CRIM1: variants seen among roughly 807,000 people sequenced by gnomAD.
The protein encoded by CRIM1 is cysteine rich transmembrane BMP regulator 1, also known as cysteine-rich motor neuron 1 protein.
CRIM1 carries 32 observed loss-of-function variants against 116.4 expected under a neutral mutation model. That is an observed-to-expected ratio of 0.27 (90% CI 0.21 to 0.37). The LOEUF is 0.37. Ranked by LOEUF, CRIM1 falls within the 10% of genes least tolerant of loss-of-function variation. CRIM1 has a pLI of 1.00. For synonymous variants in CRIM1, 590 were observed against 509.2 expected, an observed-to-expected ratio of 1.16 and a Z score of -2.13; for missense variants, 1,331 against 1,354.8, an observed-to-expected ratio of 0.98 and a Z score of 0.28.
At chr2:36,432,389 TTGAA>T (rs1226392213) in intron 2 of CRIM1, among the ~76,000 whole-genome samples, 4 of 152,220 alleles carry the variant, frequency 2.6e-5, no homozygotes, top group South Asian at 2.1e-4. Flanking sequence ...ATATAATTAT[TTGAA>T]TGGCAATTTT....
intron 1 of CRIM1, among the ~76,000 whole-genome samples, chr2:36,385,046 G>A (rs1306373542): frequency 1.3e-5 from 2 of 150,042 alleles, no homozygotes; most frequent in East Asian, 3.9e-4. Context: ...GGAGTGTGTA[G>A]TAGGAATAAA....
chr2:36,539,345 G>A (rs1666780166), intron 14 of CRIM1, among the ~76,000 whole-genome samples: 1 of 152,204 alleles, frequency 6.6e-6, no homozygotes. Context: ...TGTTCAAGGT[G>A]CATGTTCAGG....
chr2:36,479,791 A>C, intron 7 of CRIM1, 97 bp downstream of exon 7: 1 of 1,228,836 alleles, frequency 8.1e-7, no homozygotes, highest in Non-Finnish European at 1.2e-6. Flanking sequence ...CCTTGGGCAT[A>C]ATGTCTGCTT....
intron 5 of CRIM1, among the ~76,000 whole-genome samples, chr2:36,466,262 G>A (rs1422699258): frequency 6.6e-6 from 1 of 152,004 alleles, no homozygotes; most frequent in African/African-American, 2.4e-5. Flanking sequence ...GGATAGAGAT[G>A]GTAAGGTTGA....
intron 1 of CRIM1, among the ~76,000 whole-genome samples, chr2:36,396,275 C>T (rs1572637664): frequency 6.6e-6 from 1 of 152,108 alleles, no homozygotes; most frequent in East Asian, 1.9e-4. Context: ...TTTTATTGAA[C>T]ATGAAAAAAC....
chr2:36,363,985 C>G (rs1669422553), intron 1 of CRIM1, among the ~76,000 whole-genome samples: 1 of 152,208 alleles, frequency 6.6e-6, no homozygotes, highest in African/African-American at 2.4e-5. Context: ...TGAAAATATT[C>G]ATGAGCATCG....
intron 7 of CRIM1, among the ~76,000 whole-genome samples, chr2:36,483,875 A>T (rs1679613958): frequency 6.6e-6 from 1 of 152,214 alleles, no homozygotes; most frequent in Admixed American, 6.5e-5. Context: ...TCAAAAGCTG[A>T]TGGCCATTGG....
intron 13 of CRIM1, 62 bp downstream of exon 13, chr2:36,522,375 G>A: frequency 1.0e-5 from 13 of 1,263,270 alleles, no homozygotes; most frequent in African/African-American, 1.5e-5. Flanking sequence ...TGTATTGACA[G>A]CCATTTGCTA....
intron 5 of CRIM1, among the ~76,000 whole-genome samples, chr2:36,469,095 G>A (rs928207392): frequency 6.6e-6 from 1 of 152,086 alleles, no homozygotes; most frequent in African/African-American, 2.4e-5. Context: ...TAGTTAGCAG[G>A]GCCAGATATA....
At chr2:36,445,500 A>G (rs147253747) in intron 4 of CRIM1, among the ~76,000 whole-genome samples, 2 of 152,308 alleles carry the variant, frequency 1.3e-5, no homozygotes, top group East Asian at 3.9e-4. Context: ...GCTGTCAGTT[A>G]ATTATCGACT....
At position 36,460,998 on chromosome 2, in the gene CRIM1, C is replaced by T. The variant is rs116433364; in HGVS notation, c.870-3536C>T. 5.6e-4 allele frequency among the ~76,000 whole-genome samples: 85 copies of T among 152,092 alleles called. 1 individual carries two copies. Among genetic ancestry groups the T allele is most frequent in the African/African-American group, 2.0e-3 (81 of 41,470 alleles). On this transcript the variant is annotated intron_variant, in intron 4 of 16. Transcript: ENST00000280527. ...ACTTATTTGGAGAAAAGAGCATGAC[C>T]GTAGCAATGGAAAATGAAGGGAAAT...
chr2:36,405,395 G>C (rs1190614009), intron 2 of CRIM1, among the ~76,000 whole-genome samples: 1 of 152,204 alleles, frequency 6.6e-6, no homozygotes. Context: ...GAGGCTCCCA[G>C]CTCTGCCCCT....
At position 36,416,479 on chromosome 2, in the gene CRIM1, A is replaced by G. The variant is rs1270045071; in HGVS notation, c.505+19692A>G. Among the ~76,000 whole-genome samples the G allele has an allele frequency of 2.0e-5, 3 of 152,222 alleles. 1 individual carries two copies. The highest frequency in any genetic ancestry group is 1.3e-4 in the Admixed American group (2 of 15,284). ...TGCTGTGAACAGATTATCAGAAAGTATCTGTAAGTATAAAACACATTCAGA... is the reference window on the plus strand; with the variant it reads ...TGCTGTGAACAGATTATCAGAAAGTGTCTGTAAGTATAAAACACATTCAGA... On this transcript the variant is annotated intron_variant, in intron 2 of 16. Coordinates refer to ENST00000280527, the MANE Select transcript of CRIM1 (RefSeq NM_016441.3).
intron 6 of CRIM1, among the ~76,000 whole-genome samples, chr2:36,477,762 AG>A (rs1162688575): frequency 6.6e-6 from 1 of 152,250 alleles, no homozygotes; most frequent in East Asian, 1.9e-4. Flanking sequence ...ATAAACAATA[AG>A]CATTTCAAAA....
At chr2:36,365,425 G>A (rs1010166115) in intron 1 of CRIM1, among the ~76,000 whole-genome samples, 2 of 152,196 alleles carry the variant, frequency 1.3e-5, no homozygotes, top group Admixed American at 6.5e-5. Context: ...ATCTCACTGA[G>A]GTTACAGAAG....
chr2:36,369,642 A>T lies in CRIM1; in HGVS notation c.331+13019A>T, dbSNP rs141879572. Among the ~76,000 whole-genome samples, 453 of 152,316 alleles carry T rather than the reference A, an allele frequency of 3.0e-3. 1 individual carries two copies. Among genetic ancestry groups the T allele is most frequent in the African/African-American group, 0.011 (441 of 41,576 alleles). ...AAATGTTATATGTAATATAGGTCAG[A>T]AATGTTGCCATATAGGAACATTCGA... On this transcript the variant is annotated intron_variant, in intron 1 of 16. Transcript: ENST00000280527.
intron 1 of CRIM1, among the ~76,000 whole-genome samples, chr2:36,382,391 A>ATCTC (rs1409826560): frequency 6.6e-6 from 1 of 152,246 alleles, no homozygotes; most frequent in East Asian, 1.9e-4. Context: ...TGCAGCTGGA[A>ATCTC]TCTCTCTGTG....
chr2:36,458,209 G>A (rs72865062), intron 4 of CRIM1, among the ~76,000 whole-genome samples: 270 of 152,248 alleles, frequency 1.8e-3, no homozygotes, highest in African/African-American at 6.1e-3. Flanking sequence ...TGCTGCTTCC[G>A]AGCTGCCTCC....
rs749951407 is a variant in CRIM1, at chr2:36,548,680, C to T, written c.3090C>T (p.Asp1030=). 1.3e-6 allele frequency: 2 copies of T among 1,595,728 alleles called. No individual in the cohort carries two copies. The highest frequency in any genetic ancestry group is 2.3e-5 in the South Asian group (2 of 87,094). ...SMQKQNHLQA[D]NFYQTV The stretch of plus-strand genomic sequence containing the variant: ...AAAAACAGAACCATCTACAGGCAGA[C>T]AATTTCTACCAAACAGTGTGAAGAA... The change falls in exon 17 of 17, where the codon GAC becomes GAT. Residue 1030 remains aspartate (D), a synonymous_variant. Transcript: ENST00000280527.
Sources: allele counts gnomAD v4.1 joint callset (sites outside exome capture counted in the v4.1 genomes callset), GRCh38; gene constraint gnomAD v4.1.1; transcripts MANE v1.5; gene names NCBI Gene and HGNC (gene_info 2026-07-23, HGNC 2026-07-21).